DYNC2I1: variants seen among roughly 807,000 people sequenced by gnomAD.
DYNC2I1 encodes dynein 2 intermediate chain 1, also known as cytoplasmic dynein 2 intermediate chain 1.
In DYNC2I1, 89 loss-of-function variants were observed where a neutral mutation model predicts 133.4. The observed-to-expected ratio is 0.67, with a 90% CI of 0.56 to 0.80. DYNC2I1 has a LOEUF of 0.80. DYNC2I1 is among the 30% of genes least tolerant of loss of function. The probability of loss-of-function intolerance (pLI) is 0.00; values close to 1 mark genes in which losing one functional copy is unlikely to be tolerated. For synonymous variants in DYNC2I1, 504 were observed against 484.3 expected, an observed-to-expected ratio of 1.04 and a Z score of -0.54; for missense variants, 1,291 against 1,314.5, an observed-to-expected ratio of 0.98 and a Z score of 0.28.
intron 5 of DYNC2I1, among the ~76,000 whole-genome samples, chr7:158,882,774 G>A (rs562010026): frequency 3.3e-5 from 5 of 152,078 alleles, no homozygotes; most frequent in African/African-American, 1.2e-4. Context: ...TACTTGGGAG[G>A]CTGAGGCAGG....
chr7:158,925,337 A>G (rs1402133096), intron 17 of DYNC2I1, among the ~76,000 whole-genome samples: 2 of 151,696 alleles, frequency 1.3e-5, no homozygotes, highest in African/African-American at 2.4e-5. Flanking sequence ...TTTTGGGTCT[A>G]ATTCTGTTCT....
intron 4 of DYNC2I1, among the ~76,000 whole-genome samples, chr7:158,954,267 A>T (rs1185136580): frequency 6.6e-6 from 1 of 152,214 alleles, no homozygotes; most frequent in Non-Finnish European, 1.5e-5. Flanking sequence ...GTATGTCTTT[A>T]TAAGCAGTGT....
chr7:158,951,582 G>C (rs1852053832), intron 4 of DYNC2I1, among the ~76,000 whole-genome samples: 1 of 152,238 alleles, frequency 6.6e-6, no homozygotes, highest in South Asian at 2.1e-4. Context: ...CTCTGTCCTG[G>C]CACCTGTGTG....
chr7:158,860,946 C>T (rs1280535086), intron 1 of DYNC2I1, among the ~76,000 whole-genome samples: 1 of 152,170 alleles, frequency 6.6e-6, no homozygotes, highest in Non-Finnish European at 1.5e-5. Flanking sequence ...TTGTGGGGTT[C>T]CTCCAGAGAA....
chr7:158,872,328 A>G (rs974984844), intron 3 of DYNC2I1, among the ~76,000 whole-genome samples: 1 of 151,560 alleles, frequency 6.6e-6, no homozygotes, highest in Non-Finnish European at 1.5e-5. Flanking sequence ...AAGAAAAACA[A>G]AAGCTCTAAA....
chr7:158,862,871 C>T (rs973122172), intron 1 of DYNC2I1, among the ~76,000 whole-genome samples: 9 of 151,942 alleles, frequency 5.9e-5, no homozygotes, highest in East Asian at 1.9e-4. Flanking sequence ...AGGAGTGAAG[C>T]GACAGACCTT....
At chr7:158,947,170 T>G (rs1851912367), downstream of DYNC2I1, among the ~76,000 whole-genome samples, 1 of 152,156 alleles carries the variant, frequency 6.6e-6, no homozygotes, top group Admixed American at 6.5e-5. Flanking sequence ...TTCATGGAAC[T>G]CAGGGTCACA....
intron 23 of DYNC2I1, among the ~76,000 whole-genome samples, chr7:158,934,830 T>C (rs1361696674): frequency 6.6e-6 from 1 of 152,240 alleles, no homozygotes; most frequent in African/African-American, 2.4e-5. Context: ...TGATACTCTT[T>C]GCCTGTTTGG....
rs758026446 is a variant in DYNC2I1 at position 158,926,288 on chromosome 7, T to C, written c.2359T>C (p.Ser787Pro). 2 of 1,612,066 alleles carry C rather than the reference T, an allele frequency of 1.2e-6. No individual in the cohort carries two copies. Among genetic ancestry groups the C allele is most frequent in the East Asian group, 2.2e-5 (1 of 44,854 alleles). Residue 787 changes from serine to proline, a missense_variant, in exon 18 of 25, where the codon TCT (serine) becomes CCT (proline). Physicochemically the swap from Ser to Pro is moderately conservative, Grantham distance 74. Coordinates refer to ENST00000407559, the MANE Select transcript of DYNC2I1 (RefSeq NM_018051.5). Reference sequence around the variant, plus strand: ...GCAGAGCTTTGTGCTTTCACCCTTTTCTACTCAAGAAGGTACGTGATTCTT... The same window carrying C: ...GCAGAGCTTTGTGCTTTCACCCTTTCCTACTCAAGAAGGTACGTGATTCTT... Reference protein sequence around the residue: ...KKQSFVLSPFSTQEEMSGLSF... With the variant: ...KKQSFVLSPFPTQEEMSGLSF...
At chr7:158,871,650 T>A in intron 3 of DYNC2I1, 88 bp downstream of exon 3, 2 of 1,356,154 alleles carry the variant, frequency 1.5e-6, no homozygotes, top group Admixed American at 2.8e-5. Flanking sequence ...CTCCCCTCCC[T>A]CTCTCCCCCG....
chr7:158,917,732 T>C (rs13243795), intron 14 of DYNC2I1, among the ~76,000 whole-genome samples: 22,652 of 142,966 alleles, frequency 0.16, 3,660 homozygotes, highest in East Asian at 0.57. Context: ...ACCCTCTGCC[T>C]CTCACTAAAC....
chr7:158,946,586 C>T (rs1339732999), downstream of DYNC2I1, among the ~76,000 whole-genome samples: 1 of 152,260 alleles, frequency 6.6e-6, no homozygotes, highest in African/African-American at 2.4e-5. Flanking sequence ...GCTGACAGCA[C>T]CGATCCATTC....
intron 16 of DYNC2I1, among the ~76,000 whole-genome samples, chr7:158,922,986 G>A (rs781407670): frequency 1.3e-5 from 2 of 152,180 alleles, no homozygotes; most frequent in Non-Finnish European, 2.9e-5. Flanking sequence ...AGGTTTCTTA[G>A]ACTGTGTTGA....
In DYNC2I1 at chr7:158,869,893, C is replaced by T; in HGVS notation, c.54C>T (p.Leu18=). Residue 18 remains leucine (L), a synonymous_variant, in exon 2 of 25, where the codon CTC becomes CTT. Coordinates refer to ENST00000407559, the MANE Select transcript of DYNC2I1 (RefSeq NM_018051.5). ...TKDDTWKADD[L]RKHLWAIQSG... is the part of the protein sequence containing the mutation. ...ATGATACCTGGAAAGCAGATGACCT[C>T]AGAAAACATCTCTGGGTAATTATTG... The T allele has an allele frequency of 1.2e-6, 2 of 1,613,542 alleles. No individual in the cohort carries two copies. Among genetic ancestry groups the T allele is most frequent in the East Asian group, 2.2e-5 (1 of 44,884 alleles).
chr7:158,949,745 A>G (rs1170075634), downstream of DYNC2I1, among the ~76,000 whole-genome samples: 1 of 151,476 alleles, frequency 6.6e-6, no homozygotes, highest in Admixed American at 6.6e-5. Context: ...AAGGATGCTT[A>G]AGAATCAAGG....
At chr7:158,949,094 G>T (rs1340971871), downstream of DYNC2I1, among the ~76,000 whole-genome samples, 1 of 152,086 alleles carries the variant, frequency 6.6e-6, no homozygotes, top group Non-Finnish European at 1.5e-5. Flanking sequence ...GTTCCTCCAA[G>T]CAGTGGGTGC....
At chr7:158,875,991 G>A (rs181659819) in intron 3 of DYNC2I1, among the ~76,000 whole-genome samples, 241 of 152,346 alleles carry the variant, frequency 1.6e-3, no homozygotes, top group African/African-American at 5.5e-3. Flanking sequence ...AGTGAGGCAA[G>A]AAATCTCTCT....
intron 24 of DYNC2I1, 64 bp downstream of exon 24, chr7:158,942,212 A>C: frequency 7.6e-7 from 1 of 1,320,674 alleles, no homozygotes; most frequent in South Asian, 1.5e-5. Context: ...GGTGCCACTT[A>C]CGGTCTTTCT....
chr7:158,925,767 C>T (rs577046096), intron 17 of DYNC2I1, among the ~76,000 whole-genome samples: 10 of 152,280 alleles, frequency 6.6e-5, no homozygotes, highest in Middle Eastern at 3.4e-3. Flanking sequence ...TTCCTGTTCA[C>T]GTCCCCCTTC....
Sources: allele counts gnomAD v4.1 joint callset (sites outside exome capture counted in the v4.1 genomes callset), GRCh38; gene constraint gnomAD v4.1.1; transcripts MANE v1.5; gene names NCBI Gene and HGNC (gene_info 2026-07-23, HGNC 2026-07-21).